IL6R: variants seen among roughly 807,000 people sequenced by gnomAD.
IL6R encodes interleukin-6 receptor subunit alpha.
IL6R carries 38 observed loss-of-function variants against 48.3 expected under a neutral mutation model. That is an observed-to-expected ratio of 0.79 (90% CI 0.61 to 1.03). IL6R has a LOEUF of 1.03. IL6R is among the 50% of genes least tolerant of loss of function. The probability of loss-of-function intolerance (pLI) is 0.00; values close to 1 mark genes in which losing one functional copy is unlikely to be tolerated. For missense variants in IL6R, 534 were observed against 618.3 expected (o/e 0.86, Z 1.45); for synonymous variants, 264 against 256.2 (o/e 1.03, Z -0.29).
intron 7 of IL6R, among the ~76,000 whole-genome samples, chr1:154,448,937 A>G (rs1690431939): frequency 8.8e-6 from 1 of 113,088 alleles, no homozygotes; most frequent in Admixed American, 1.4e-4. Context: ...CCCAGGTGGG[A>G]CTGCGGACTG....
intron 1 of IL6R, among the ~76,000 whole-genome samples, chr1:154,421,555 T>C (rs1274768259): frequency 1.3e-5 from 2 of 152,330 alleles, no homozygotes; most frequent in South Asian, 2.1e-4. Flanking sequence ...TGTTCCCCTG[T>C]AGGTCTTCCT....
At chr1:154,436,630 A>T (rs1198268588) in intron 6 of IL6R, among the ~76,000 whole-genome samples, 1 of 152,194 alleles carries the variant, frequency 6.6e-6, no homozygotes, top group Non-Finnish European at 1.5e-5. Flanking sequence ...CCTCAGTCAC[A>T]TGTCTGACGA....
At chr1:154,440,718 G>A (rs1247887305) in intron 6 of IL6R, among the ~76,000 whole-genome samples, 3 of 151,122 alleles carry the variant, frequency 2.0e-5, no homozygotes, top group Middle Eastern at 3.4e-3. Context: ...GCAGTGGGGC[G>A]ATCTTGGCTC....
At chr1:154,448,327 G>A (rs575951316) in intron 7 of IL6R, among the ~76,000 whole-genome samples, 156 bp downstream of exon 7, 2 of 152,342 alleles carry the variant, frequency 1.3e-5, no homozygotes, top group East Asian at 3.9e-4. Context: ...TCTGTGAAAG[G>A]GAATCATAGA....
chr1:154,449,243 A>C (rs1202176035), intron 7 of IL6R, among the ~76,000 whole-genome samples: 2 of 149,022 alleles, frequency 1.3e-5, no homozygotes. Context: ...GGCCGGGCAC[A>C]GGGGCTCACA....
At chr1:154,420,447 A>G (rs1688595532) in intron 1 of IL6R, among the ~76,000 whole-genome samples, 1 of 151,748 alleles carries the variant, frequency 6.6e-6, no homozygotes, top group Non-Finnish European at 1.5e-5. Flanking sequence ...AGGTCACCTG[A>G]CAGCACAGAG....
At chr1:154,434,277 C>T (rs1689478067) in intron 3 of IL6R, among the ~76,000 whole-genome samples, 1 of 152,112 alleles carries the variant, frequency 6.6e-6, no homozygotes, top group Non-Finnish European at 1.5e-5. Flanking sequence ...CGCCACTGCA[C>T]TCCAGCCTGG....
chr1:154,451,828 G>T (rs147619286), intron 8 of IL6R, among the ~76,000 whole-genome samples: 3 of 152,018 alleles, frequency 2.0e-5, no homozygotes. Context: ...GAGCCACCGC[G>T]CCTGGCCAGC....
chr1:154,419,162 G>A (rs1688515158), intron 1 of IL6R, among the ~76,000 whole-genome samples: 1 of 152,120 alleles, frequency 6.6e-6, no homozygotes, highest in South Asian at 2.1e-4. Flanking sequence ...CTGATCTCTT[G>A]TTGCCTCAAC....
intron 6 of IL6R, among the ~76,000 whole-genome samples, chr1:154,446,463 G>A (rs1690236198): frequency 6.6e-6 from 1 of 152,148 alleles, no homozygotes; most frequent in Admixed American, 6.6e-5. Flanking sequence ...GGCCCAGCGA[G>A]GCTCGTGATT....
At chr1:154,465,084 C>A in intron 9 of IL6R, 50 bp from the exon 10 acceptor site, 1 of 1,610,574 alleles carries the variant, frequency 6.2e-7, no homozygotes, top group Non-Finnish European at 8.5e-7. Context: ...GGGCTTGTCA[C>A]AGGGGGAGCT....
intron 1 of IL6R, among the ~76,000 whole-genome samples, chr1:154,423,909 TAGTG>T (rs1558305820): frequency 6.6e-6 from 1 of 152,198 alleles, no homozygotes; most frequent in Non-Finnish European, 1.5e-5. Flanking sequence ...TGGCCATTGT[TAGTG>T]AGTGCAGGAG....
At position 154,456,743 on chromosome 1, in the gene IL6R, C is replaced by T. The variant is rs376904436; in HGVS notation, c.1160+2162C>T. Among the ~76,000 whole-genome samples, 54 of 152,186 alleles carry T rather than the reference C, an allele frequency of 3.5e-4. No homozygotes were observed. The South Asian group carries it at 0.011, about 31-fold the overall frequency. On this transcript the variant is annotated intron_variant, in intron 9 of 9. Coordinates refer to ENST00000368485, the MANE Select transcript of IL6R (RefSeq NM_000565.4). ...AGATGCCCCGAGAACCTCAAGCGGA[C>T]ACGCTTGGCAGGCAACACAGATCGT...
chr1:154,437,870 C>T (rs189548943), intron 6 of IL6R, among the ~76,000 whole-genome samples: 44 of 143,460 alleles, frequency 3.1e-4, no homozygotes, highest in African/African-American at 9.9e-4. Context: ...CACACCACCA[C>T]GCCCGGCTAA....
chr1:154,422,004 T>A (rs1487219088), intron 1 of IL6R, among the ~76,000 whole-genome samples: 2 of 151,868 alleles, frequency 1.3e-5, no homozygotes, highest in African/African-American at 2.4e-5. Context: ...TGGAGTGCAA[T>A]GGTGCAATCT....
intron 6 of IL6R, among the ~76,000 whole-genome samples, chr1:154,441,148 G>A (rs1689911315): frequency 6.6e-6 from 1 of 152,066 alleles, no homozygotes; most frequent in Admixed American, 6.5e-5. Flanking sequence ...CATCTGCTTG[G>A]GCTCCTCTTC....
chr1:154,441,315 G>A (rs779005233), intron 6 of IL6R, among the ~76,000 whole-genome samples: 1 of 152,180 alleles, frequency 6.6e-6, no homozygotes, highest in Non-Finnish European at 1.5e-5. Context: ...CACTGGGTAC[G>A]GTCTCCACTT....
intron 9 of IL6R, among the ~76,000 whole-genome samples, chr1:154,456,110 G>C (rs1358825517): frequency 6.6e-6 from 1 of 151,952 alleles, no homozygotes; most frequent in African/African-American, 2.4e-5. Flanking sequence ...TGGATGGGGT[G>C]AGTGAAAATG....
In IL6R at chr1:154,435,123, G is replaced by T; in HGVS notation, c.774G>T (p.Arg258=). Reference sequence around the variant, plus strand: ...GACTACGGTTTGAGCTCAGATATCGGGCTGAACGGTCAAAGACATTCACAA... The same window carrying T: ...GACTACGGTTTGAGCTCAGATATCGTGCTGAACGGTCAAAGACATTCACAA... ...FYRLRFELRY[R]AERSKTFTTW... Residue 258 remains arginine (R), a synonymous_variant, in exon 5 of 10, where the codon CGG becomes CGT. Coordinates refer to ENST00000368485, the MANE Select transcript of IL6R (RefSeq NM_000565.4). 6.2e-7 allele frequency: 1 copy of T among 1,614,116 alleles called. No homozygotes were observed. Among genetic ancestry groups the T allele is most frequent in the Non-Finnish European group, 8.5e-7 (1 of 1,179,996 alleles).
Sources: allele counts gnomAD v4.1 joint callset (sites outside exome capture counted in the v4.1 genomes callset), GRCh38; gene constraint gnomAD v4.1.1; transcripts MANE v1.5; gene names NCBI Gene and HGNC (gene_info 2026-07-23, HGNC 2026-07-21).